Variants in RAB7A observed in about 807,000 individuals in gnomAD.
The protein encoded by RAB7A is ras-related protein Rab-7a.
A neutral mutation model predicts 24.5 loss-of-function variants in RAB7A; 2 were observed. That is an observed-to-expected ratio of 0.08 (90% CI 0.03 to 0.26). The LOEUF is 0.26. Among genes scored for constraint, RAB7A ranks in the 10% least tolerant of loss-of-function variants. The pLI is 1.00. For synonymous variants in RAB7A, 100 were observed against 95.9 expected, an observed-to-expected ratio of 1.04 and a Z score of -0.25; for missense variants, 118 against 255.7, an observed-to-expected ratio of 0.46 and a Z score of 3.67.
rs781110052 is a variant in RAB7A, at chr3:128,813,379, A to C, written c.581A>C (p.Lys194Thr). 3.7e-6 allele frequency: 6 copies of C among 1,614,236 alleles called. No homozygotes were observed. Among genetic ancestry groups the C allele is most frequent in the Non-Finnish European group, 5.1e-6 (6 of 1,180,036 alleles). ...TTTCCTGAACCTATCAAACTGGACA[A>C]GAATGACCGGGCCAAGGCCTCGGCA... ...NEFPEPIKLD[K>T]NDRAKASAES... The change falls in exon 6 of 6, where the codon AAG becomes ACG. Residue 194 changes from lysine to threonine, a missense_variant. Transcript: ENST00000265062.
chr3:128,741,123 AT>A (rs1279253854), intron 1 of RAB7A, among the ~76,000 whole-genome samples: 3 of 151,934 alleles, frequency 2.0e-5, no homozygotes, highest in Non-Finnish European at 4.4e-5. Flanking sequence ...TCTTTTGTGA[AT>A]TGGCTTTTGT....
chr3:128,735,154 A>G (rs2070479113), intron 1 of RAB7A, among the ~76,000 whole-genome samples: 1 of 152,222 alleles, frequency 6.6e-6, no homozygotes, highest in South Asian at 2.1e-4. Context: ...TACAGGGCAG[A>G]TGAGAGTTAC....
chr3:128,784,083 T>G (rs925629334), intron 1 of RAB7A, among the ~76,000 whole-genome samples: 1 of 152,218 alleles, frequency 6.6e-6, no homozygotes, highest in African/African-American at 2.4e-5. Flanking sequence ...CTAGATAGAC[T>G]TCAGCCATAA....
chr3:128,767,817 A>G (rs2070846393), intron 1 of RAB7A, among the ~76,000 whole-genome samples: 1 of 152,210 alleles, frequency 6.6e-6, no homozygotes, highest in South Asian at 2.1e-4. Flanking sequence ...CTTCCATGTC[A>G]TCCCCTCAGA....
intron 1 of RAB7A, among the ~76,000 whole-genome samples, chr3:128,766,477 T>A (rs973453889): frequency 2.6e-5 from 4 of 152,218 alleles, no homozygotes; most frequent in Non-Finnish European, 5.9e-5. Flanking sequence ...TCTGGGATCA[T>A]GATTTTAAAA....
chr3:128,749,717 C>T (rs2070657178), intron 1 of RAB7A, among the ~76,000 whole-genome samples: 1 of 152,170 alleles, frequency 6.6e-6, no homozygotes, highest in African/African-American at 2.4e-5. Context: ...ACAAGCGCTC[C>T]TCTCTTTGCC....
intron 1 of RAB7A, among the ~76,000 whole-genome samples, chr3:128,787,245 T>C (rs1289572986): frequency 6.6e-6 from 1 of 152,262 alleles, no homozygotes; most frequent in Non-Finnish European, 1.5e-5. Context: ...TAACAAACTA[T>C]AGAACATTAA....
At position 128,813,603 on chromosome 3, in the gene RAB7A, GCACACACACACACA is replaced by G. The variant is rs139417205; in HGVS notation, c.*184_*197del. ...ATATCTCTCACACACACACACACAC[GCACACACACACACA>G]CAGATCTGACGTAATCAAACTCCAG... On this transcript the variant is annotated 3_prime_UTR_variant, in exon 6 of 6. Coordinates refer to ENST00000265062, the MANE Select transcript of RAB7A (RefSeq NM_004637.6). The G allele has an allele frequency of 7.8e-6, 4 of 512,774 alleles. No homozygotes were observed. The highest frequency in any genetic ancestry group is 5.2e-5 in the Admixed American group (2 of 38,244). The allele number at this position is 512,774 out of a possible 1,614,324, so 31.8% of individuals were successfully genotyped here.
chr3:128,748,987 A>C (rs185569858), intron 1 of RAB7A: 13 of 152,358 alleles, frequency 8.5e-5, no homozygotes, highest in African/African-American at 2.9e-4. Context: ...CTGAGGCAGC[A>C]TAAGGGGGAC....
At chr3:128,741,496 TTATCACA>T (rs2070553748) in intron 1 of RAB7A, among the ~76,000 whole-genome samples, 1 of 152,216 alleles carries the variant, frequency 6.6e-6, no homozygotes, top group African/African-American at 2.4e-5. Context: ...GAAATTTTTT[TTATCACA>T]CAGTATATTT....
intron 1 of RAB7A, among the ~76,000 whole-genome samples, chr3:128,755,336 C>CT (rs1414857800): frequency 6.6e-6 from 1 of 151,842 alleles, no homozygotes; most frequent in African/African-American, 2.4e-5. Flanking sequence ...CATTGCAAAA[C>CT]TTATGATATG....
intron 1 of RAB7A, among the ~76,000 whole-genome samples, chr3:128,787,749 C>T (rs1933370909): frequency 6.6e-6 from 1 of 152,226 alleles, no homozygotes; most frequent in South Asian, 2.1e-4. Context: ...GTTGTTCTGT[C>T]ACCCAGGCTG....
chr3:128,804,114 G>GCCCCCCC (rs200546571), intron 3 of RAB7A, among the ~76,000 whole-genome samples: 1 of 146,878 alleles, frequency 6.8e-6, no homozygotes, highest in Non-Finnish European at 1.5e-5. Flanking sequence ...ACCTCCCTGG[G>GCCCCCCC]CCCCCCCCCG....
At chr3:128,763,204 A>AT (rs1465950575) in intron 1 of RAB7A, among the ~76,000 whole-genome samples, 3 of 104,458 alleles carry the variant, frequency 2.9e-5, no homozygotes, top group South Asian at 6.6e-4. Context: ...ATATATATAT[A>AT]TATATTTTTT....
intron 1 of RAB7A, among the ~76,000 whole-genome samples, chr3:128,783,396 A>G (rs1576293318): frequency 1.3e-5 from 2 of 152,158 alleles, no homozygotes; most frequent in African/African-American, 2.4e-5. Flanking sequence ...AACACTGCCT[A>G]GACCTCACCT....
intron 1 of RAB7A, among the ~76,000 whole-genome samples, chr3:128,778,004 G>A (rs1452741147): frequency 6.6e-6 from 1 of 152,142 alleles, no homozygotes; most frequent in Non-Finnish European, 1.5e-5. Context: ...ATGAACCACC[G>A]CGCCTGGCCA....
At chr3:128,764,630 A>C (rs1359286988) in intron 1 of RAB7A, 1 of 1,120,472 alleles carries the variant, frequency 8.9e-7, no homozygotes, top group East Asian at 2.3e-5. Context: ...AAGTCACACA[A>C]ATGGGGGTCA....
chr3:128,788,996 G>T (rs950656287), intron 1 of RAB7A, among the ~76,000 whole-genome samples: 3 of 152,210 alleles, frequency 2.0e-5, no homozygotes, highest in African/African-American at 7.2e-5. Context: ...TTGAAAGAAA[G>T]AATTGTTTCA....
chr3:128,729,051 G>A (rs532293339), intron 1 of RAB7A, among the ~76,000 whole-genome samples: 1 of 152,248 alleles, frequency 6.6e-6, no homozygotes, highest in South Asian at 2.1e-4. Flanking sequence ...ACAGAGGGTG[G>A]AATGTAGAAG....
Sources: gnomAD v4.1 joint callset for allele counts (sites outside exome capture counted in the v4.1 genomes callset) on GRCh38, gnomAD v4.1.1 for gene constraint, MANE v1.5 for transcripts, NCBI Gene and HGNC (gene_info 2026-07-23, HGNC 2026-07-21) for gene names.